Variants in PRRT4 observed in about 807,000 individuals in gnomAD.
The protein encoded by PRRT4 is proline rich transmembrane protein 4.
In PRRT4, 59 loss-of-function variants were observed where a neutral mutation model predicts 55.6. The observed-to-expected ratio is 1.06, with a 90% CI of 0.86 to 1.32. The LOEUF (loss-of-function observed/expected upper bound fraction) is 1.32. Among genes scored for constraint, PRRT4 ranks in the 40% most tolerant of loss-of-function variants. PRRT4 has a pLI of 0.00. For missense variants in PRRT4, 1,217 were observed against 1,222.0 expected (o/e 1.00, Z 0.06); for synonymous variants, 606 against 601.8 (o/e 1.01, Z -0.10).
At chr7:128,357,236 A>ACACTCTCT (rs1300864584) in intron 4 of PRRT4, among the ~76,000 whole-genome samples, 10 of 140,808 alleles carry the variant, frequency 7.1e-5, no homozygotes, top group African/African-American at 2.2e-4. Flanking sequence ...ACACACACAC[A>ACACTCTCT]CTCTCTCTCT....
Position 128,351,393 on chromosome 7 carries a change from G to C in PRRT4, c.2163C>G (p.Arg721=). The change falls in exon 5 of 5, where the codon CGC becomes CGG. Residue 721 remains arginine (R), a synonymous_variant. Coordinates refer to ENST00000535159, the Ensembl canonical transcript of PRRT4. ...GTCGCAGGTTGATTGGGGAGGGCGGGCGGAAGTCCACGGTGTAATCGCTGC... is the reference window on the plus strand; with the variant it reads ...GTCGCAGGTTGATTGGGGAGGGCGGCCGGAAGTCCACGGTGTAATCGCTGC... 3 of 1,543,004 alleles carry C rather than the reference G, an allele frequency of 1.9e-6. No homozygotes were observed. In the Admixed American group the frequency reaches 5.9e-5, roughly 30 times the overall value.
At chr7:128,359,022 C>A in intron 3 of PRRT4, 127 bp downstream of exon 4, 1 of 1,228,840 alleles carries the variant, frequency 8.1e-7, no homozygotes, top group Non-Finnish European at 1.2e-6. Context: ...AAGTAGTAGC[C>A]CATATCCTAG....
At chr7:128,361,682 GC>G (rs1396820939) in exon 1 of PRRT4, 1 of 152,560 alleles carries the variant, frequency 6.6e-6, no homozygotes, top group Non-Finnish European at 1.5e-5. Context: ...CTCCGCGGCA[GC>G]CGGCTCTGAC....
chr7:128,352,584 G>T lies in PRRT4; in HGVS notation c.972C>A (p.Cys324Ter). Residue 324 changes from cysteine to a stop codon, truncating the protein, a stop_gained, in exon 5 of 5, where the codon TGC (cysteine) becomes TGA (stop). Coordinates refer to ENST00000535159, the Ensembl canonical transcript of PRRT4. LOFTEE classifies it high-confidence loss of function. ...CGCGTTCAGGCAATTCTCCCACGCTGCAGGACCCTGGCCCACACTCTGGCT... is the reference window on the plus strand; with the variant it reads ...CGCGTTCAGGCAATTCTCCCACGCTTCAGGACCCTGGCCCACACTCTGGCT... 6.5e-7 allele frequency: 1 copy of T among 1,544,224 alleles called. No individual in the cohort carries two copies.
exon 5 of PRRT4, chr7:128,352,663 A>ATGGGGACTG: frequency 5.9e-6 from 9 of 1,534,158 alleles, no homozygotes; most frequent in Non-Finnish European, 7.9e-6. Flanking sequence ...TGGGCCAGAG[A>ATGGGGACTG]TGGGGACTGT....
chr7:128,359,498 G>A (rs769818792), exon 2 of PRRT4: 2 of 1,465,882 alleles, frequency 1.4e-6, no homozygotes, highest in African/African-American at 1.4e-5. Context: ...AGCACTGGAT[G>A]GAAGTGCTGT....
intron 1 of PRRT4, among the ~76,000 whole-genome samples, 199 bp downstream of exon 2, chr7:128,361,101 TCTCACA>T (rs1420566037): frequency 0.021 from 2,468 of 118,020 alleles, 28 homozygotes; most frequent in Non-Finnish European, 0.029. Context: ...TCTCTCTCTC[TCTCACA>T]CACACACACA....
chr7:128,361,067 G>A (rs1584690414), intron 1 of PRRT4, among the ~76,000 whole-genome samples: 1 of 116,676 alleles, frequency 8.6e-6, no homozygotes, highest in African/African-American at 3.4e-5. Context: ...TGAGCCCCCG[G>A]CCTCCCCTGT....
At chr7:128,354,666 A>T (rs1210907821) in intron 4 of PRRT4, among the ~76,000 whole-genome samples, 1 of 152,174 alleles carries the variant, frequency 6.6e-6, no homozygotes, top group Non-Finnish European at 1.5e-5. Context: ...TCTGAGAACA[A>T]GGAAAAGGAA....
At chr7:128,351,534 C>G (rs1379121119) in exon 5 of PRRT4, 1 of 1,484,472 alleles carries the variant, frequency 6.7e-7, no homozygotes, top group African/African-American at 1.4e-5. Context: ...ACAGCTGCAG[C>G]AGCTCCGCGT....
At chr7:128,350,667 A>ATTCTGATTCCC (rs1454160375), downstream of PRRT4, 14 of 858,282 alleles carry the variant, frequency 1.6e-5, no homozygotes, top group African/African-American at 2.4e-4. Flanking sequence ...GGCTCCAGAG[A>ATTCTGATTCCC]AGGTGGCACT....
At chr7:128,356,102 T>TA (rs1562968279) in intron 4 of PRRT4, among the ~76,000 whole-genome samples, 1 of 151,628 alleles carries the variant, frequency 6.6e-6, no homozygotes, top group Non-Finnish European at 1.5e-5. Context: ...TTACTAAAAA[T>TA]ACAAAAATTA....
At chr7:128,359,668 G>A in exon 2 of PRRT4, 1 of 1,550,928 alleles carries the variant, frequency 6.4e-7, no homozygotes, top group South Asian at 1.2e-5. Flanking sequence ...CAGTGAGAGA[G>A]TTCCCTGAGG....
chr7:128,351,521 C>G lies in PRRT4; in HGVS notation c.2035G>C (p.Ala679Pro), dbSNP rs927644933. ...AGGTCTGGGCCTGGCCCTGCCAGCG[C>G]GCACAGCTGCAGCAGCTCCGCGTCC... Residue 679 changes from alanine to proline, a missense_variant, in exon 5 of 5, where the codon GCG becomes CCG. Transcript: ENST00000535159. 1.3e-6 allele frequency: 2 copies of G among 1,491,002 alleles called. No individual in the cohort carries two copies. Among genetic ancestry groups the G allele is most frequent in the Non-Finnish European group, 8.9e-7 (1 of 1,124,078 alleles). The allele number at this position is 1,491,002 out of a possible 1,614,324, so 92.4% of individuals were successfully genotyped here.
chr7:128,352,066 G>A (rs1300576714), exon 5 of PRRT4: 2 of 1,204,318 alleles, frequency 1.7e-6, no homozygotes, highest in East Asian at 3.7e-5. Context: ...CCCGCGCGAG[G>A]CGAGCCGCAG....
At chr7:128,350,614 C>T (rs1156390981), downstream of PRRT4, 4 of 596,388 alleles carry the variant, frequency 6.7e-6, no homozygotes, top group East Asian at 1.2e-4. Flanking sequence ...GAAAATGGGA[C>T]CCCTGCCAAC....
chr7:128,354,649 T>TA (rs997292563), intron 4 of PRRT4, among the ~76,000 whole-genome samples: 1 of 149,026 alleles, frequency 6.7e-6, no homozygotes, highest in Admixed American at 6.7e-5. Context: ...ACAAAAAACA[T>TA]AAGAGTTCTG....
chr7:128,357,460 C>T (rs977136293), intron 4 of PRRT4, among the ~76,000 whole-genome samples: 8 of 152,128 alleles, frequency 5.3e-5, no homozygotes, highest in Admixed American at 2.6e-4. Context: ...GCCTGGCCAG[C>T]GCTGTCACCA....
exon 5 of PRRT4, chr7:128,352,653 T>C: frequency 1.3e-6 from 2 of 1,537,090 alleles, no homozygotes; most frequent in Non-Finnish European, 1.7e-6. Flanking sequence ...AGAGGTCATC[T>C]GGGCCAGAGA....
Sources: gnomAD v4.1 joint callset for allele counts (sites outside exome capture counted in the v4.1 genomes callset) on GRCh38, gnomAD v4.1.1 for gene constraint, MANE v1.5 for transcripts, NCBI Gene and HGNC (gene_info 2026-07-23, HGNC 2026-07-21) for gene names.